RHBDF1: variants seen among roughly 807,000 people sequenced by gnomAD.
RHBDF1 encodes the protein rhomboid 5 homolog 1, also known as inactive rhomboid protein 1.
A neutral mutation model predicts 98.6 loss-of-function variants in RHBDF1; 80 were observed. The ratio of observed to expected loss-of-function variants is 0.81; its 90% CI spans 0.68 to 0.98. RHBDF1 has a LOEUF of 0.98. RHBDF1 is among the 50% of genes least tolerant of loss of function. RHBDF1 has a pLI of 0.00. For missense variants in RHBDF1, 1,116 were observed against 1,198.3 expected (o/e 0.93, Z 1.01); for synonymous variants, 512 against 486.8 (o/e 1.05, Z -0.68).
At chr16:64,577 C>T in intron 3 of RHBDF1, 122 bp downstream of exon 3, 14 of 1,540,848 alleles carry the variant, frequency 9.1e-6, no homozygotes, top group South Asian at 3.8e-5. Flanking sequence ...TGGTGGGGAC[C>T]GAGATGGAGG....
rs924621415 is a variant in RHBDF1 at position 62,311 on chromosome 16, A to G, written c.953+227T>C. ...TCCGCCTCCCCGTTGGATTCTGCCC[A>G]GCCCCTGGGTTCTAAGATTGCTGTC... is the stretch of plus-strand genomic sequence containing the variant. On this transcript the variant is annotated intron_variant, in intron 7 of 17. Coordinates refer to ENST00000262316, the MANE Select transcript of RHBDF1 (RefSeq NM_022450.5). 12 of 736,534 alleles carry G rather than the reference A, an allele frequency of 1.6e-5. No homozygotes were observed. In the African/African-American group the frequency reaches 2.0e-4, roughly 12 times the overall value. The allele number at this position is 736,534 out of a possible 1,614,324, so 45.6% of individuals were successfully genotyped here. A position where few individuals can be genotyped will look rare whatever the true frequency, so the allele number is the denominator to read the frequency against.
Position 61,150 on chromosome 16 carries a change from G to C in RHBDF1, c.1527C>G (p.Gly509=). 2 of 1,537,726 alleles carry C rather than the reference G, an allele frequency of 1.3e-6. No individual in the cohort carries two copies. Among genetic ancestry groups the C allele is most frequent in the Admixed American group, 2.0e-5 (1 of 50,902 alleles). The change falls in exon 11 of 18, where the codon GGC becomes GGG. Residue 509 remains glycine (G), a synonymous_variant. Transcript: ENST00000262316. The part of the protein sequence containing the change: ...SACCVRNDRS[G]CVQTSEEECS... ...ACTCCTCCTCCGAGGTCTGCACGCAGCCCGACCTGTCGTTGCGCACGCAGC... is the reference window on the plus strand; with the variant it reads ...ACTCCTCCTCCGAGGTCTGCACGCACCCCGACCTGTCGTTGCGCACGCAGC...
At position 63,947 on chromosome 16, in the gene RHBDF1, G is replaced by A. The variant is rs1027207485; in HGVS notation, c.249-147C>T. ...TCTGAGTGGGCAAGGTCTAATAAGA[G>A]GATGAGTGGGTTCCAGCCACCCCCT... is the stretch of plus-strand genomic sequence containing the variant. On this transcript the variant is annotated intron_variant, in intron 3 of 17. Coordinates refer to ENST00000262316, the MANE Select transcript of RHBDF1 (RefSeq NM_022450.5). The A allele has an allele frequency of 5.1e-6, 4 of 779,938 alleles. No individual in the cohort carries two copies. The Admixed American group carries it at 8.0e-5, about 16-fold the overall frequency. 48.3% of individuals were successfully genotyped at this position (779,938 alleles called of 1,614,324 possible). A position where few individuals can be genotyped will look rare whatever the true frequency, so the allele number is the denominator to read the frequency against.
Position 58,148 on chromosome 16 carries a change from A to G in RHBDF1, c.*192T>C. 1.7e-6 allele frequency: 1 copy of G among 579,990 alleles called. No homozygotes were observed. Among genetic ancestry groups the G allele is most frequent in the African/African-American group, 1.9e-5 (1 of 53,692 alleles). 35.9% of individuals were successfully genotyped at this position (579,990 alleles called of 1,614,324 possible). A position where few individuals can be genotyped will look rare whatever the true frequency, so the allele number is the denominator to read the frequency against. ...AACAAGTTAGAAGGTTATGACAGGA[A>G]GTAGTATAATAAATGCCCGGCAGTA... On this transcript the variant is annotated 3_prime_UTR_variant, in exon 18 of 18. Transcript: ENST00000262316.
upstream of RHBDF1, among the ~76,000 whole-genome samples, chr16:73,501 T>C (rs1415249902): frequency 6.6e-6 from 1 of 152,170 alleles, no homozygotes; most frequent in Non-Finnish European, 1.5e-5. Context: ...GGCACTCTGC[T>C]TTCCGCTGGG....
In RHBDF1 at chr16:59,721, C is replaced by G; in HGVS notation, c.1817+11G>C. The G allele has an allele frequency of 6.2e-7, 1 of 1,613,222 alleles. No homozygotes were observed. Among genetic ancestry groups the G allele is most frequent in the Middle Eastern group, 1.7e-4 (1 of 6,060 alleles). ...CAGAGACCAGCTGCACTCGCTGGCA[C>G]GCACACGTACCTGCCCTTGGTGCCA... On this transcript the variant is annotated intron_variant, in intron 14 of 17. Coordinates refer to ENST00000262316, the MANE Select transcript of RHBDF1 (RefSeq NM_022450.5).
chr16:59,849 C>G, intron 13 of RHBDF1, 23 bp from the exon 14 acceptor site: 2 of 1,613,956 alleles, frequency 1.2e-6, no homozygotes, highest in Non-Finnish European at 1.7e-6. Flanking sequence ...TGAGGACGAG[C>G]TGAGTCAGGG....
At chr16:65,372 G>A (rs991516690) in intron 1 of RHBDF1, among the ~76,000 whole-genome samples, 1 of 152,248 alleles carries the variant, frequency 6.6e-6, no homozygotes, top group Non-Finnish European at 1.5e-5. Context: ...GGAGCTTACA[G>A]TCTAGACAAT....
At position 62,581 on chromosome 16, in the gene RHBDF1, C is replaced by T. The variant is rs769452521; in HGVS notation, c.910G>A (p.Gly304Arg). 2.9e-5 allele frequency: 47 copies of T among 1,613,464 alleles called. No individual in the cohort carries two copies. The highest frequency in any genetic ancestry group is 3.9e-5 in the Non-Finnish European group (46 of 1,180,030). Residue 304 changes from glycine to arginine, a missense_variant, in exon 7 of 18, where the codon GGG becomes AGG. Coordinates refer to ENST00000262316, the MANE Select transcript of RHBDF1 (RefSeq NM_022450.5). ...TCAAGCTCGCTGCGGTCCAGGGCCC[C>T]GCCGGTGAGGTCCGCCTGCTCCGGT... is the stretch of plus-strand genomic sequence containing the variant. ...KAPEQADLTG[G>R]ALDRSELERS...
chr16:69,216 C>T (rs1897909050), intron 1 of RHBDF1, among the ~76,000 whole-genome samples: 4 of 152,180 alleles, frequency 2.6e-5, no homozygotes. Context: ...CCAGTCCAGG[C>T]ATAGACAGTG....
Position 62,677 on chromosome 16 carries a change from C to A in RHBDF1, c.814G>T (p.Glu272Ter). The change falls in exon 7 of 18, where the codon GAG becomes TAG. Residue 272 changes from glutamate (E) to a stop codon, truncating the protein, a stop_gained. Coordinates refer to ENST00000262316, the MANE Select transcript of RHBDF1 (RefSeq NM_022450.5). LOFTEE classifies it high-confidence loss of function. Reference protein sequence around the residue: ...FFAREGILHEELSTYPDEVFE... With the variant: ...FFAREGILHE The stretch of plus-strand genomic sequence containing the variant: ...ACTTCATCCGGGTATGTGGACAGCT[C>A]TTCATGGAGGATACCTTCCTGAGCA... 4.3e-6 allele frequency: 7 copies of A among 1,614,176 alleles called. No individual in the cohort carries two copies. The highest frequency in any genetic ancestry group is 5.9e-6 in the Non-Finnish European group (7 of 1,180,046).
intron 13 of RHBDF1, 113 bp from the exon 14 acceptor site, chr16:59,939 G>A (rs1596465067): frequency 3.2e-6 from 5 of 1,539,414 alleles, no homozygotes. Context: ...AAAACGGTGT[G>A]GCTTCCTTGA....
chr16:70,008 A>C (rs113719405), intron 1 of RHBDF1, among the ~76,000 whole-genome samples: 4 of 48,726 alleles, frequency 8.2e-5, no homozygotes, highest in South Asian at 6.2e-4. Flanking sequence ...AGCACTTGGC[A>C]GGAGGGGGGG....
At chr16:61,487 G>C (rs1305986411) in intron 9 of RHBDF1, 28 bp from the exon 10 acceptor site, 1 of 1,612,204 alleles carries the variant, frequency 6.2e-7, no homozygotes, top group South Asian at 1.1e-5. Flanking sequence ...GGGATCAGAC[G>C]GGCCCCGACT....
In RHBDF1 at chr16:62,599, G is replaced by A; in HGVS notation, c.892C>T (p.Gln298Ter). 1 of 1,613,788 alleles carries A rather than the reference G, an allele frequency of 6.2e-7. No homozygotes were observed. The highest frequency in any genetic ancestry group is 8.5e-7 in the Non-Finnish European group (1 of 1,180,038). ...ALKDWEKAPEQADLTGGALDR... is the reference protein window; with the variant it reads ...ALKDWEKAPE ...AGGGCCCCGCCGGTGAGGTCCGCCT[G>A]CTCCGGTGCCTTCTCCCAGTCCTTT... Residue 298 changes from glutamine to a stop codon, truncating the protein, a stop_gained, in exon 7 of 18, where the codon CAG (glutamine) becomes TAG (stop). Transcript: ENST00000262316. LOFTEE classifies it high-confidence loss of function.
rs549798566 is a variant in RHBDF1 at position 63,631 on chromosome 16, G to T, written c.418C>A (p.Pro140Thr). The T allele has an allele frequency of 1.3e-6, 2 of 1,591,872 alleles. No homozygotes were observed. Among genetic ancestry groups the T allele is most frequent in the Non-Finnish European group, 1.7e-6 (2 of 1,168,878 alleles). The change falls in exon 4 of 18, where the codon CCA becomes ACA. Residue 140 changes from proline (P) to threonine (T), a missense_variant. Pro to Thr is a conservative substitution (Grantham distance 38). Coordinates refer to ENST00000262316, the MANE Select transcript of RHBDF1 (RefSeq NM_022450.5). ...DNVSLTSTET[P>T]PPLYVGPCQL... ...CATGGCCCCACGTAGAGTGGGGGTGGCGTCTCGGTGCTGGTCAGCGACACG... is the reference window on the plus strand; with the variant it reads ...CATGGCCCCACGTAGAGTGGGGGTGTCGTCTCGGTGCTGGTCAGCGACACG...
In RHBDF1 at chr16:58,546, G is replaced by C; in HGVS notation, c.2362C>G (p.Pro788Ala). ...TCGAACTTGCCAAAGCTGATGTAGG[G>C]CAAGAAGGCGAAGGAGAGGAAGAGG... ...SGLFLSFAFL[P>A]YISFGKFDLY... is the part of the protein sequence containing the mutation. The change falls in exon 18 of 18, where the codon CCC becomes GCC. Residue 788 changes from proline (P) to alanine (A), a missense_variant. Transcript: ENST00000262316. 1 of 1,614,062 alleles carries C rather than the reference G, an allele frequency of 6.2e-7. No individual in the cohort carries two copies. The highest frequency in any genetic ancestry group is 8.5e-7 in the Non-Finnish European group (1 of 1,180,038).
At position 64,706 on chromosome 16, in the gene RHBDF1, T is replaced by C; in HGVS notation, c.241A>G (p.Ile81Val). The change falls in exon 3 of 18, where the codon ATC (isoleucine) becomes GTC (valine). Residue 81 changes from isoleucine (I) to valine (V), a missense_variant. Coordinates refer to ENST00000262316, the MANE Select transcript of RHBDF1 (RefSeq NM_022450.5). The part of the protein sequence containing the change: ...LQRQTSITQT[I>V]RRGTADWFGV... ...GCTGGGCGGTGTTGGTACCTGCGGA[T>C]GGTCTGTGTGATGGACGTCTGGCGT... is the stretch of plus-strand genomic sequence containing the variant. The C allele has an allele frequency of 1.2e-6, 2 of 1,610,690 alleles. No homozygotes were observed. The highest frequency in any genetic ancestry group is 1.3e-5 in the African/African-American group (1 of 74,960).
rs773010448 is a variant in RHBDF1 at position 61,700 on chromosome 16, C to T, written c.1209-4G>A. The T allele has an allele frequency of 6.8e-6, 11 of 1,613,224 alleles. No homozygotes were observed. In the South Asian group the frequency reaches 8.8e-5, roughly 13 times the overall value. On this transcript the variant is annotated splice_polypyrimidine_tract_variant and splice_region_variant and intron_variant, in intron 8 of 17. Coordinates refer to ENST00000262316, the MANE Select transcript of RHBDF1 (RefSeq NM_022450.5). Reference sequence around the variant, plus strand: ...AAGCCAGTAGGTGAAGAAGGGCCTGCGGGGTGGAGCGTCAGCGGGGGCCTC... The same window carrying T: ...AAGCCAGTAGGTGAAGAAGGGCCTGTGGGGTGGAGCGTCAGCGGGGGCCTC...
Sources: gnomAD v4.1 joint callset for allele counts (sites outside exome capture counted in the v4.1 genomes callset) on GRCh38, gnomAD v4.1.1 for gene constraint, MANE v1.5 for transcripts, NCBI Gene and HGNC (gene_info 2026-07-23, HGNC 2026-07-21) for gene names.